The following TAOK1 variants were observed in gnomAD, a reference collection of about 807,000 sequenced individuals.
TAOK1 encodes TAO kinase 1.
TAOK1 carries 21 observed loss-of-function variants against 138.3 expected under a neutral mutation model. The ratio of observed to expected loss-of-function variants is 0.15; its 90% confidence interval spans 0.11 to 0.22. The LOEUF (loss-of-function observed/expected upper bound fraction) is 0.22. Ranked by LOEUF, TAOK1 falls within the 10% of genes least tolerant of loss-of-function variation. The pLI is 1.00. For missense variants in TAOK1, 651 were observed against 1,227.7 expected (o/e 0.53, Z 7.02); for synonymous variants, 361 against 398.4 (o/e 0.91, Z 1.12).
chr17:29,495,765 A>C (rs752047054), intron 11 of TAOK1, 38 bp downstream of exon 11: 17 of 1,478,570 alleles, frequency 1.1e-5, no homozygotes, highest in Non-Finnish European at 9.0e-6. Context: ...TTGAATTTTC[A>C]CTTTTGGTTT....
At chr17:29,531,226 CAA>C (rs1487199483) in intron 18 of TAOK1, among the ~76,000 whole-genome samples, 3 of 151,566 alleles carry the variant, frequency 2.0e-5, no homozygotes. Flanking sequence ...CTCGGCCTCC[CAA>C]AGTGCTGGGA....
intron 16 of TAOK1, among the ~76,000 whole-genome samples, chr17:29,518,750 C>CTTTTA (rs11271070): frequency 6.6e-6 from 1 of 150,390 alleles, no homozygotes; most frequent in African/African-American, 2.4e-5. Flanking sequence ...TTTATTTTTA[C>CTTTTA]TTTATCTATT....
chr17:29,406,931 G>A (rs997800967), intron 1 of TAOK1, among the ~76,000 whole-genome samples: 1 of 152,202 alleles, frequency 6.6e-6, no homozygotes, highest in African/African-American at 2.4e-5. Flanking sequence ...AATATGAAGT[G>A]TAAGCCTGTT....
At chr17:29,427,366 G>T (rs1231083396) in intron 1 of TAOK1, among the ~76,000 whole-genome samples, 1 of 151,854 alleles carries the variant, frequency 6.6e-6, no homozygotes, top group Non-Finnish European at 1.5e-5. Context: ...AGGCTAAGGC[G>T]GGTGGATCAC....
intron 1 of TAOK1, among the ~76,000 whole-genome samples, chr17:29,423,565 A>G (rs1014244214): frequency 1.3e-5 from 2 of 151,974 alleles, no homozygotes; most frequent in African/African-American, 2.4e-5. Context: ...GTGTCCCTGT[A>G]TTTCAATTCA....
At chr17:29,529,861 C>CAA (rs35675934) in intron 17 of TAOK1, among the ~76,000 whole-genome samples, 26 of 125,958 alleles carry the variant, frequency 2.1e-4, no homozygotes, top group South Asian at 5.2e-4. Flanking sequence ...AGCGAGATTC[C>CAA]AAAAAAAAAA....
At chr17:29,474,026 G>A (rs767703821) in intron 3 of TAOK1, among the ~76,000 whole-genome samples, 25 of 152,058 alleles carry the variant, frequency 1.6e-4, no homozygotes, top group Non-Finnish European at 3.4e-4. Context: ...GTGAGCTACC[G>A]TGCCGGCCTA....
intron 17 of TAOK1, among the ~76,000 whole-genome samples, chr17:29,529,551 G>A (rs796612008): frequency 6.6e-6 from 1 of 152,092 alleles, no homozygotes; most frequent in Non-Finnish European, 1.5e-5. Context: ...AGGTAACACA[G>A]TGAAACCTTG....
intron 3 of TAOK1, 98 bp from the exon 4 acceptor site, chr17:29,475,572 C>A: frequency 1.2e-6 from 1 of 808,278 alleles, no homozygotes; most frequent in Non-Finnish European, 1.9e-6. Flanking sequence ...GTTGCATGTT[C>A]TTGTTAACTC....
At chr17:29,402,238 C>T (rs1904866819) in intron 1 of TAOK1, among the ~76,000 whole-genome samples, 1 of 152,092 alleles carries the variant, frequency 6.6e-6, no homozygotes, top group Non-Finnish European at 1.5e-5. Flanking sequence ...TATCAGATAT[C>T]TAATGTCACA....
At chr17:29,495,982 G>A (rs1435539180) in intron 11 of TAOK1, among the ~76,000 whole-genome samples, 1 of 151,908 alleles carries the variant, frequency 6.6e-6, no homozygotes, top group African/African-American at 2.4e-5. Context: ...ACCCCTTTAT[G>A]GTACACAATG....
chr17:29,497,508 A>G (rs2031437068), intron 11 of TAOK1, among the ~76,000 whole-genome samples: 1 of 152,134 alleles, frequency 6.6e-6, no homozygotes, highest in African/African-American at 2.4e-5. Context: ...TGCATATCTT[A>G]AAGAATTCTG....
intron 1 of TAOK1, among the ~76,000 whole-genome samples, chr17:29,419,482 G>C (rs77078712): frequency 2.0e-5 from 3 of 147,222 alleles, no homozygotes; most frequent in Non-Finnish European, 3.0e-5. Context: ...GAGCCACTGC[G>C]CCCGGCAGTA....
chr17:29,495,085 CTG>C (rs1470296129), intron 10 of TAOK1, among the ~76,000 whole-genome samples: 7 of 151,862 alleles, frequency 4.6e-5, no homozygotes, highest in Admixed American at 6.6e-5. Flanking sequence ...GGCTTTTAGT[CTG>C]TGTTAGTATT....
chr17:29,465,128 ATTTTTTTT>A (rs57794003), intron 2 of TAOK1, among the ~76,000 whole-genome samples: 12 of 63,154 alleles, frequency 1.9e-4, no homozygotes, highest in African/African-American at 5.4e-4. Context: ...GTCTTATTTA[ATTTTTTTT>A]TTTTTTTTTT....
At chr17:29,452,269 A>G (rs1226803986) in intron 2 of TAOK1, among the ~76,000 whole-genome samples, 2 of 152,256 alleles carry the variant, frequency 1.3e-5, no homozygotes, top group East Asian at 3.9e-4. Flanking sequence ...AAAGAAAAAG[A>G]AAAAAATTTG....
At chr17:29,399,505 C>T (rs550950431) in intron 1 of TAOK1, among the ~76,000 whole-genome samples, 5 of 151,882 alleles carry the variant, frequency 3.3e-5, no homozygotes, top group South Asian at 2.1e-4. Context: ...TTATTAGAGA[C>T]GGGGTTTCAC....
chr17:29,512,627 C>T (rs2031742563), intron 15 of TAOK1: 2 of 151,920 alleles, frequency 1.3e-5, no homozygotes, highest in Admixed American at 1.3e-4. Flanking sequence ...GATCCACCCG[C>T]CTCAGCCTCC....
chr17:29,510,747 GTAATGTTTC>G, intron 14 of TAOK1, 108 bp from the exon 15 acceptor site: 1 of 731,972 alleles, frequency 1.4e-6, no homozygotes. Flanking sequence ...TTTTATTTTG[GTAATGTTTC>G]TAATGATTTC....
Sources: allele counts gnomAD v4.1 joint callset (sites outside exome capture counted in the v4.1 genomes callset), GRCh38; gene constraint gnomAD v4.1.1; transcripts MANE v1.5; gene names NCBI Gene and HGNC (gene_info 2026-07-23, HGNC 2026-07-21).